RSPO2: variants seen among roughly 807,000 people sequenced by gnomAD.
RSPO2 encodes R-spondin 2.
A neutral mutation model predicts 30.9 loss-of-function variants in RSPO2; 14 were observed. That is an observed-to-expected ratio of 0.45 (90% confidence interval 0.30 to 0.71). The LOEUF is 0.71. Among genes scored for constraint, RSPO2 ranks in the 30% least tolerant of loss-of-function variants. The probability of loss-of-function intolerance (pLI) is 0.08; values close to 1 mark genes in which losing one functional copy is unlikely to be tolerated. For missense variants in RSPO2, 264 were observed against 301.9 expected, an observed-to-expected ratio of 0.87 and a Z score of 0.93; for synonymous variants, 107 against 96.4, an observed-to-expected ratio of 1.11 and a Z score of -0.64.
chr8:108,056,286 T>C (rs7825802), intron 2 of RSPO2, among the ~76,000 whole-genome samples: 46,036 of 151,816 alleles, frequency 0.3, 7,830 homozygotes, highest in African/African-American at 0.46. Flanking sequence ...GTATGTGTGT[T>C]CTTTAAAAAG....
At chr8:107,976,283 G>A (rs190009506) in intron 3 of RSPO2, among the ~76,000 whole-genome samples, 1 of 152,242 alleles carries the variant, frequency 6.6e-6, no homozygotes, top group East Asian at 1.9e-4. Flanking sequence ...TTTTCTCCAA[G>A]AGAAGCTGCA....
At chr8:108,074,405 C>G (rs189934175) in intron 2 of RSPO2, among the ~76,000 whole-genome samples, 41 of 152,272 alleles carry the variant, frequency 2.7e-4, no homozygotes, top group African/African-American at 9.4e-4. Context: ...CATACATGAA[C>G]ACATGTACAG....
intron 2 of RSPO2, among the ~76,000 whole-genome samples, chr8:108,037,382 CTG>C (rs1336887328): frequency 2.0e-5 from 3 of 152,098 alleles, no homozygotes; most frequent in South Asian, 2.1e-4. Flanking sequence ...TCTACAAAGA[CTG>C]AGAGAGATGA....
intron 2 of RSPO2, among the ~76,000 whole-genome samples, chr8:108,081,085 A>C (rs967585081): frequency 1.3e-5 from 2 of 152,184 alleles, no homozygotes; most frequent in Non-Finnish European, 2.9e-5. Context: ...GAAAATAAAC[A>C]ATTTCCAAAA....
At chr8:107,986,177 C>T (rs1414048285) in intron 3 of RSPO2, among the ~76,000 whole-genome samples, 1 of 152,128 alleles carries the variant, frequency 6.6e-6, no homozygotes, top group Non-Finnish European at 1.5e-5. Flanking sequence ...ATACAAATAT[C>T]AATGCAATAT....
At chr8:107,964,336 G>A (rs1049701050) in intron 3 of RSPO2, among the ~76,000 whole-genome samples, 5 of 152,194 alleles carry the variant, frequency 3.3e-5, no homozygotes, top group African/African-American at 1.2e-4. Flanking sequence ...TCTGCCTCCC[G>A]GGTTCAAGTG....
intron 3 of RSPO2, among the ~76,000 whole-genome samples, chr8:107,980,479 G>T (rs1814387551): frequency 6.6e-6 from 1 of 152,062 alleles, no homozygotes; most frequent in South Asian, 2.1e-4. Flanking sequence ...CTAAAATGTA[G>T]CCCTTATTCA....
rs35774922 is a variant in RSPO2 at position 108,033,049 on chromosome 8, C to CAAAAAAA, written c.95-43812_95-43806dup. Among the ~76,000 whole-genome samples, 25 of 68,750 alleles carry CAAAAAAA rather than the reference C, an allele frequency of 3.6e-4. 2 individuals are homozygous for CAAAAAAA. Among genetic ancestry groups the CAAAAAAA allele is most frequent in the African/African-American group, 1.3e-3 (22 of 16,310 alleles). The allele number at this position is 68,750 out of a possible 152,430, so 45.1% of individuals were successfully genotyped here. On this transcript the variant is annotated intron_variant, in intron 2 of 5. Transcript: ENST00000276659. Reference sequence around the variant, plus strand: ...TGGGTGACAGAGCAAGACTCTGTCTCAAAAAAAAAAAAAAAAAAAAAAAAA... The same window carrying CAAAAAAA: ...TGGGTGACAGAGCAAGACTCTGTCTCAAAAAAAAAAAAAAAAAAAAAAAAAAAAAAAA...
At chr8:107,991,249 AAC>A (rs60247229) in intron 2 of RSPO2, among the ~76,000 whole-genome samples, 25,445 of 133,048 alleles carry the variant, frequency 0.19, 2,280 homozygotes, top group Non-Finnish European at 0.24. Context: ...CTCCATCTCA[AAC>A]ACACACACAC....
At chr8:108,013,015 T>A (rs1810757117) in intron 2 of RSPO2, among the ~76,000 whole-genome samples, 1 of 152,194 alleles carries the variant, frequency 6.6e-6, no homozygotes. Flanking sequence ...CCAAGGGATA[T>A]GCTGTGGAAA....
chr8:107,983,929 G>A, intron 3 of RSPO2: 1 of 1,118,192 alleles, frequency 8.9e-7, no homozygotes, highest in Non-Finnish European at 1.3e-6. Flanking sequence ...TTCCTCTTAT[G>A]GAGCTCTCTG....
At chr8:107,951,543 A>C (rs929498720) in intron 5 of RSPO2, among the ~76,000 whole-genome samples, 1 of 152,146 alleles carries the variant, frequency 6.6e-6, no homozygotes, top group African/African-American at 2.4e-5. Flanking sequence ...TTACCATAAG[A>C]GTAGCTTACT....
intron 2 of RSPO2, among the ~76,000 whole-genome samples, chr8:108,065,045 T>G (rs2130712792): frequency 6.6e-6 from 1 of 151,964 alleles, no homozygotes. Flanking sequence ...GGGGGAGGGA[T>G]AGCATTAGGA....
intron 2 of RSPO2, among the ~76,000 whole-genome samples, chr8:108,006,437 G>A (rs1462363237): frequency 6.6e-6 from 1 of 152,052 alleles, no homozygotes; most frequent in Non-Finnish European, 1.5e-5. Context: ...TTAGATGAAA[G>A]GGATAGGAAG....
intron 3 of RSPO2, among the ~76,000 whole-genome samples, chr8:107,970,368 T>C (rs1165792224): frequency 6.6e-6 from 1 of 152,156 alleles, no homozygotes; most frequent in African/African-American, 2.4e-5. Flanking sequence ...AACAAAAAGA[T>C]AGCAGTCCAA....
intron 2 of RSPO2, among the ~76,000 whole-genome samples, chr8:108,072,244 A>G (rs1311670640): frequency 6.6e-6 from 1 of 152,024 alleles, no homozygotes; most frequent in Non-Finnish European, 1.5e-5. Flanking sequence ...TCAACATTAA[A>G]AGCCTGCTTT....
At chr8:107,973,235 A>C (rs563095807) in intron 3 of RSPO2, among the ~76,000 whole-genome samples, 1 of 150,758 alleles carries the variant, frequency 6.6e-6, no homozygotes, top group African/African-American at 2.5e-5. Context: ...ACGCCACTGC[A>C]CTCCAGCCTC....
intron 5 of RSPO2, among the ~76,000 whole-genome samples, chr8:107,929,691 T>G (rs1812491362): frequency 6.6e-6 from 1 of 152,152 alleles, no homozygotes; most frequent in Non-Finnish European, 1.5e-5. Flanking sequence ...AGTGTCTGTC[T>G]CTCACCTTAG....
At chr8:108,004,074 C>T (rs1815370950) in intron 2 of RSPO2, among the ~76,000 whole-genome samples, 1 of 152,120 alleles carries the variant, frequency 6.6e-6, no homozygotes, top group South Asian at 2.1e-4. Flanking sequence ...AAATACTATG[C>T]TAATTTTTCC....
Sources: allele counts gnomAD v4.1 joint callset (sites outside exome capture counted in the v4.1 genomes callset), GRCh38; gene constraint gnomAD v4.1.1; transcripts MANE v1.5; gene names NCBI Gene and HGNC (gene_info 2026-07-23, HGNC 2026-07-21).